The following SDK1 variants were observed in gnomAD, a reference collection of about 807,000 sequenced individuals.
SDK1 encodes the protein sidekick cell adhesion molecule 1.
SDK1 carries 157 observed loss-of-function variants against 245.5 expected under a neutral mutation model. The observed-to-expected ratio is 0.64, with a 90% confidence interval of 0.56 to 0.73. The LOEUF (loss-of-function observed/expected upper bound fraction) is 0.73. SDK1 is among the 30% of genes least tolerant of loss of function. The pLI is 0.00. For synonymous variants in SDK1, 1,647 were observed against 1,278.5 expected (o/e 1.29, Z -6.15); for missense variants, 3,583 against 3,002.3 (o/e 1.19, Z -4.52).
intron 4 of SDK1, among the ~76,000 whole-genome samples, chr7:3,657,594 G>A (rs1446335107): frequency 1.5e-5 from 2 of 129,164 alleles, no homozygotes; most frequent in East Asian, 4.6e-4. Context: ...ATGTTTAGGG[G>A]ACTCGGGTTT....
intron 4 of SDK1, among the ~76,000 whole-genome samples, chr7:3,804,038 A>G (rs1295129695): frequency 6.6e-6 from 1 of 152,230 alleles, no homozygotes; most frequent in Non-Finnish European, 1.5e-5. Context: ...TGCTGGGATT[A>G]CAGGCATGAG....
chr7:4,257,818 C>T (rs1222831555), intron 44 of SDK1, among the ~76,000 whole-genome samples: 1 of 152,240 alleles, frequency 6.6e-6, no homozygotes, highest in Non-Finnish European at 1.5e-5. Context: ...ACAAAGCACT[C>T]TTCCCTTCCA....
At chr7:3,958,837 G>A in intron 7 of SDK1, 94 bp from the exon 8 acceptor site, 2 of 965,054 alleles carry the variant, frequency 2.1e-6, no homozygotes, top group Admixed American at 4.1e-5. Context: ...TTTCAAGAAT[G>A]GTTTTTAAGA....
chr7:3,754,052 AG>A (rs1779849766), intron 4 of SDK1, among the ~76,000 whole-genome samples: 1 of 152,204 alleles, frequency 6.6e-6, no homozygotes, highest in African/African-American at 2.4e-5. Flanking sequence ...GCAAATGACT[AG>A]GCCATATGGA....
chr7:4,245,905 AACAT>A (rs1786823450), intron 44 of SDK1, 100 bp downstream of exon 44: 1 of 1,420,400 alleles, frequency 7.0e-7, no homozygotes. Context: ...TGAGTCTCAT[AACAT>A]CCCCACAGGC....
At chr7:4,264,975 G>A in intron 44 of SDK1, 149 bp from the exon 45 acceptor site, 2 of 1,247,372 alleles carry the variant, frequency 1.6e-6, no homozygotes, top group Non-Finnish European at 2.2e-6. Flanking sequence ...GAGGGTGGGA[G>A]GGCCTGGCAT....
chr7:3,341,475 C>T (rs1420286953), intron 1 of SDK1, among the ~76,000 whole-genome samples: 1 of 152,084 alleles, frequency 6.6e-6, no homozygotes, highest in Non-Finnish European at 1.5e-5. Context: ...CCTTTGCTGT[C>T]CAAAACAGTA....
At position 3,962,652 on chromosome 7, in the gene SDK1, C is replaced by T. The variant is rs750487323; in HGVS notation, c.1235-5C>T. On this transcript the variant is annotated splice_polypyrimidine_tract_variant and splice_region_variant and intron_variant, in intron 8 of 44. Transcript: ENST00000404826. Reference sequence around the variant, plus strand: ...AAAATCCTATTTATTCCCATTCCTACGCAGGGGTCCCCCTTCCCACCCTCC... The same window carrying T: ...AAAATCCTATTTATTCCCATTCCTATGCAGGGGTCCCCCTTCCCACCCTCC... 75 of 1,599,148 alleles carry T rather than the reference C, an allele frequency of 4.7e-5. 1 individual carries two copies. The highest frequency in any genetic ancestry group is 4.7e-4 in the South Asian group (42 of 89,748).
intron 1 of SDK1, among the ~76,000 whole-genome samples, chr7:3,551,774 C>T (rs1779422780): frequency 2.6e-5 from 4 of 151,984 alleles, no homozygotes; most frequent in Admixed American, 1.3e-4. Context: ...CTCGTGGGTT[C>T]GAGCAGTGTT....
chr7:4,210,109 A>T lies in SDK1; in HGVS notation c.5486A>T (p.Asn1829Ile). 1 of 1,610,270 alleles carries T rather than the reference A, an allele frequency of 6.2e-7. No homozygotes were observed. The highest frequency in any genetic ancestry group is 1.7e-4 in the Middle Eastern group (1 of 6,036). ...TCCTGGGGCGAGCCTGCGGCGGCCA[A>T]CGGCATCCTGCAGGGCTATCGGGTG... ...NVSWGEPAAA[N>I]GILQGYRVVY... The change falls in exon 38 of 45, where the codon AAC (asparagine) becomes ATC (isoleucine). Residue 1829 changes from asparagine (N) to isoleucine (I), a missense_variant. Physicochemically the swap from Asn to Ile is moderately radical, Grantham distance 149 (BLOSUM62 -3). Coordinates refer to ENST00000404826, the MANE Select transcript of SDK1 (RefSeq NM_152744.4).
chr7:3,390,973 C>T (rs577682091), intron 1 of SDK1, among the ~76,000 whole-genome samples: 125 of 152,290 alleles, frequency 8.2e-4, no homozygotes, highest in African/African-American at 3.0e-3. Flanking sequence ...AAATGTCACT[C>T]TTCCACAGAG....
chr7:4,114,047 A>G lies in SDK1; in HGVS notation c.3596A>G (p.Asp1199Gly). ...CTCGTTCCTTCCTAGCCCCTGCCGG[A>G]TTCTCAGTACAACGGGAACCCCGAG... is the stretch of plus-strand genomic sequence containing the variant. Reference protein sequence around the residue: ...SLRLRWVPLPDSQYNGNPESV... With the variant: ...SLRLRWVPLPGSQYNGNPESV... Residue 1199 changes from aspartate to glycine, a missense_variant, in exon 25 of 45, where the codon GAT becomes GGT. Asp to Gly is a moderately conservative substitution (Grantham distance 94). Coordinates refer to ENST00000404826, the MANE Select transcript of SDK1 (RefSeq NM_152744.4). 1.2e-6 allele frequency: 2 copies of G among 1,614,038 alleles called. No homozygotes were observed. The highest frequency in any genetic ancestry group is 1.3e-5 in the African/African-American group (1 of 75,020).
intron 1 of SDK1, among the ~76,000 whole-genome samples, chr7:3,422,886 T>TGCAA (rs1779569733): frequency 6.6e-6 from 1 of 152,240 alleles, no homozygotes; most frequent in Non-Finnish European, 1.5e-5. Context: ...TATTGAATGT[T>TGCAA]GCAAGGCCTT....
intron 5 of SDK1, among the ~76,000 whole-genome samples, chr7:3,852,335 A>G (rs1780438324): frequency 6.6e-6 from 1 of 152,100 alleles, no homozygotes; most frequent in African/African-American, 2.4e-5. Flanking sequence ...TTTGGAAGAT[A>G]TGTGCTGCAT....
chr7:4,126,786 A>G (rs937236375), intron 25 of SDK1, among the ~76,000 whole-genome samples: 4 of 152,240 alleles, frequency 2.6e-5, no homozygotes, highest in Non-Finnish European at 4.4e-5. Context: ...AAAAACATTC[A>G]TTGAAATGGA....
At chr7:4,131,362 G>A (rs1784804693) in intron 27 of SDK1, among the ~76,000 whole-genome samples, 1 of 152,212 alleles carries the variant, frequency 6.6e-6, no homozygotes. Flanking sequence ...GCTTAAGTCT[G>A]AAGTCAGCGT....
chr7:3,537,000 A>G (rs530584338), intron 1 of SDK1, among the ~76,000 whole-genome samples: 72 of 152,328 alleles, frequency 4.7e-4, no homozygotes, highest in Middle Eastern at 3.4e-3. Context: ...TAATTGAAGT[A>G]TAATTTACAC....
At chr7:3,719,266 T>A (rs187305452) in intron 4 of SDK1, among the ~76,000 whole-genome samples, 4 of 148,644 alleles carry the variant, frequency 2.7e-5, no homozygotes, top group Non-Finnish European at 4.5e-5. Context: ...TTTTTTTAAA[T>A]ATAGGTACTA....
intron 1 of SDK1, among the ~76,000 whole-genome samples, chr7:3,339,007 G>A (rs956128058): frequency 1.3e-5 from 2 of 152,138 alleles, no homozygotes; most frequent in Non-Finnish European, 2.9e-5. Flanking sequence ...ACCAATTAAA[G>A]GATAGAGATT....
Sources: allele counts gnomAD v4.1 joint callset (sites outside exome capture counted in the v4.1 genomes callset), GRCh38; gene constraint gnomAD v4.1.1; transcripts MANE v1.5; gene names NCBI Gene and HGNC (gene_info 2026-07-23, HGNC 2026-07-21).